TOP1MT: variants seen among roughly 807,000 people sequenced by gnomAD.
TOP1MT encodes DNA topoisomerase I mitochondrial.
TOP1MT carries 80 observed loss-of-function variants against 73.9 expected under a neutral mutation model. That is an observed-to-expected ratio of 1.08 (90% CI 0.90 to 1.30). The LOEUF (loss-of-function observed/expected upper bound fraction) is 1.30, where lower values mean the gene tolerates loss of function less well. Among genes scored for constraint, TOP1MT ranks in the 50% most tolerant of loss-of-function variants. The pLI is 0.00. For missense variants in TOP1MT, 815 were observed against 808.0 expected, an observed-to-expected ratio of 1.01 and a Z score of -0.10; for synonymous variants, 338 against 326.4, an observed-to-expected ratio of 1.04 and a Z score of -0.38.
intron 7 of TOP1MT, among the ~76,000 whole-genome samples, 166 bp from the exon 8 acceptor site, chr8:143,321,552 GCACGCCACACA>G (rs1563757791): frequency 1.2e-3 from 39 of 33,820 alleles, no homozygotes; most frequent in African/African-American, 2.7e-3. Flanking sequence ...CGCCACACAC[GCACGCCACACA>G]CACGCACGCC....
chr8:143,326,084 G>T, intron 4 of TOP1MT, 138 bp downstream of exon 4: 1 of 980,914 alleles, frequency 1.0e-6, no homozygotes, highest in Non-Finnish European at 1.5e-6. Context: ...ATGCAGGGGC[G>T]CTAAGGCTGA....
chr8:143,321,952 C>CACAG (rs1491163390), intron 7 of TOP1MT, among the ~76,000 whole-genome samples: 1 of 125,704 alleles, frequency 8.0e-6, no homozygotes, highest in Non-Finnish European at 1.6e-5. Flanking sequence ...ACGCCACACA[C>CACAG]GCACGCCACA....
Position 143,310,156 on chromosome 8 carries a change from C to T in TOP1MT, c.1615G>A (p.Val539Met). The change falls in exon 13 of 14, where the codon GTG (valine) becomes ATG (methionine). Residue 539 changes from valine to methionine, a missense_variant. Physicochemically the swap from Val to Met is conservative, Grantham distance 21. Around this residue, in one of 3 missense-constraint regions of TOP1MT, gnomAD observed 751 missense variants for 725.4 expected, o/e 1.04. Coordinates refer to ENST00000329245, the MANE Select transcript of TOP1MT (RefSeq NM_052963.3). ...TTCTCCTCCTTGTCCGTGGCCTGCA[C>T]ACTCAGCTGCGCCAGCTGCTCCTGC... Reference protein sequence around the residue: ...KLQEQLAQLSVQATDKEENKQ... With the variant: ...KLQEQLAQLSMQATDKEENKQ... 2 of 1,610,886 alleles carry T rather than the reference C, an allele frequency of 1.2e-6. No individual in the cohort carries two copies. Among genetic ancestry groups the T allele is most frequent in the Non-Finnish European group, 1.7e-6 (2 of 1,178,768 alleles).
At chr8:143,335,029 G>C, upstream of TOP1MT, 1 of 645,476 alleles carries the variant, frequency 1.5e-6, no homozygotes. Flanking sequence ...CAGGACCACT[G>C]ACTGTCCTGC....
chr8:143,337,400 G>A (rs532781318), upstream of TOP1MT, among the ~76,000 whole-genome samples: 8 of 150,846 alleles, frequency 5.3e-5, no homozygotes, highest in African/African-American at 1.2e-4. Context: ...GCAAGACTCC[G>A]TCTCAAAAAA....
upstream of TOP1MT, among the ~76,000 whole-genome samples, chr8:143,357,405 CAA>C (rs35053879): frequency 7.2e-4 from 62 of 86,094 alleles, no homozygotes; most frequent in Admixed American, 1.1e-3. Context: ...GACCTTGTCT[CAA>C]AAAAAAAAAA....
intron 6 of TOP1MT, among the ~76,000 whole-genome samples, 167 bp downstream of exon 6, chr8:143,324,318 C>T (rs749047724): frequency 3.3e-5 from 5 of 152,258 alleles, no homozygotes; most frequent in Non-Finnish European, 7.3e-5. Flanking sequence ...ATGCCCACTC[C>T]TGGCTTTGGG....
chr8:143,320,185 G>A (rs998069441), intron 8 of TOP1MT, among the ~76,000 whole-genome samples: 6 of 151,902 alleles, frequency 3.9e-5, no homozygotes, highest in Admixed American at 1.3e-4. Flanking sequence ...CAGGAGTGCA[G>A]TGGTGCCATC....
chr8:143,356,475 T>C (rs752778777), upstream of TOP1MT, among the ~76,000 whole-genome samples: 21 of 152,246 alleles, frequency 1.4e-4, no homozygotes, highest in Non-Finnish European at 2.6e-4. Context: ...AAGCTTTTTA[T>C]ACTTGTAAAA....
chr8:143,355,770 A>C (rs895129757), intron 1 of TOP1MT, among the ~76,000 whole-genome samples: 7 of 152,132 alleles, frequency 4.6e-5, no homozygotes, highest in African/African-American at 1.7e-4. Context: ...CCTGCTCCAC[A>C]GTCCTGTGGA....
intron 1 of TOP1MT, among the ~76,000 whole-genome samples, chr8:143,353,442 T>C (rs1224237854): frequency 6.7e-6 from 1 of 149,182 alleles, no homozygotes; most frequent in Non-Finnish European, 1.5e-5. Flanking sequence ...AAGGTAAAGA[T>C]TGTAAATAAA....
intron 1 of TOP1MT, 87 bp downstream of exon 1, chr8:143,334,653 G>C (rs530296920): frequency 6.5e-7 from 1 of 1,548,328 alleles, no homozygotes; most frequent in East Asian, 2.5e-5. Flanking sequence ...GGGCAAGGCC[G>C]TCCCACGAGG....
chr8:143,347,357 A>C (rs573476350), upstream of TOP1MT, among the ~76,000 whole-genome samples: 1 of 152,054 alleles, frequency 6.6e-6, no homozygotes, highest in Non-Finnish European at 1.5e-5. Flanking sequence ...GGGTTTCACC[A>C]TGTTAGCCAG....
chr8:143,318,195 A>C (rs1326918539), intron 8 of TOP1MT, 109 bp from the exon 9 acceptor site: 4 of 927,754 alleles, frequency 4.3e-6, no homozygotes, highest in Non-Finnish European at 6.9e-6. Context: ...TCCCTGAGGA[A>C]GGTGGCCCGA....
At chr8:143,329,559 T>TA in intron 2 of TOP1MT, 88 bp from the exon 3 acceptor site, 1 of 1,483,226 alleles carries the variant, frequency 6.7e-7, no homozygotes, top group Non-Finnish European at 9.1e-7. Context: ...AAACTACGCT[T>TA]TCGTGCGTAC....
chr8:143,351,331 G>A (rs1350836389), intron 1 of TOP1MT, among the ~76,000 whole-genome samples: 2 of 152,202 alleles, frequency 1.3e-5, no homozygotes, highest in Admixed American at 6.5e-5. Flanking sequence ...CCAGCACTTT[G>A]GGAGGCCAAG....
intron 6 of TOP1MT, 42 bp downstream of exon 6, chr8:143,324,443 G>A (rs1396820851): frequency 3.1e-6 from 5 of 1,612,554 alleles, no homozygotes; most frequent in African/African-American, 1.3e-5. Flanking sequence ...TCCTCAGGGG[G>A]ACCTCCTGGG....
intron 9 of TOP1MT, 39 bp from the exon 10 acceptor site, chr8:143,317,876 C>G: frequency 6.2e-7 from 1 of 1,606,382 alleles, no homozygotes; most frequent in Non-Finnish European, 8.5e-7. Context: ...CGTGGTTTTG[C>G]GGGGCCGTCC....
upstream of TOP1MT, among the ~76,000 whole-genome samples, chr8:143,357,590 G>A (rs1817433274): frequency 6.6e-6 from 1 of 152,078 alleles, no homozygotes; most frequent in Non-Finnish European, 1.5e-5. Context: ...AGATCAGTCA[G>A]AGCAACATAG....
Sources: gnomAD v4.1 joint callset for allele counts (sites outside exome capture counted in the v4.1 genomes callset) on GRCh38, gnomAD v4.1.1 for gene constraint, gnomAD v4.1.1 regional missense constraint, MANE v1.5 for transcripts, NCBI Gene and HGNC (gene_info 2026-07-23, HGNC 2026-07-21) for gene names.